FCMR: variants seen among roughly 807,000 people sequenced by gnomAD.
FCMR encodes the protein immunoglobulin mu Fc receptor.
Under a neutral mutation model 41.6 loss-of-function variants are expected in FCMR, and 34 were observed. The observed-to-expected ratio is 0.82, with a 90% CI of 0.62 to 1.09. The LOEUF is 1.09. Among genes scored for constraint, FCMR ranks in the 50% least tolerant of loss-of-function variants. The pLI is 0.00. For synonymous variants in FCMR, 209 were observed against 211.8 expected (o/e 0.99, Z 0.12); for missense variants, 496 against 512.5 (o/e 0.97, Z 0.31).
At position 206,904,411 on chromosome 1, in the gene FCMR, A is replaced by C. The variant is rs1349768014; in HGVS notation, c.*608T>G. ...GATATATATGCATATCTTGCTAATA[A>C]GTTTGGTTTATCATCACATCAAGAT... On this transcript the variant is annotated 3_prime_UTR_variant, in exon 8 of 8. Coordinates refer to ENST00000367091, the MANE Select transcript of FCMR (RefSeq NM_005449.5). The C allele has an allele frequency of 6.5e-6, 1 of 153,008 alleles. No individual in the cohort carries two copies. Among genetic ancestry groups the C allele is most frequent in the Non-Finnish European group, 1.5e-5 (1 of 68,606 alleles). 9.5% of individuals were successfully genotyped at this position (153,008 alleles called of 1,614,324 possible).
intron 1 of FCMR, chr1:206,921,503 G>A: frequency 2.2e-6 from 1 of 462,320 alleles, no homozygotes; most frequent in Non-Finnish European, 4.1e-6. Context: ...AGAGAGTCTG[G>A]GGTGGTAGGA....
intron 1 of FCMR, among the ~76,000 whole-genome samples, chr1:206,915,308 T>C (rs767978342): frequency 2.6e-5 from 4 of 151,802 alleles, no homozygotes; most frequent in Non-Finnish European, 5.9e-5. Context: ...GGGGGTGGCG[T>C]GGTCGGAGGA....
chr1:206,905,451 G>T (rs1226061682), intron 7 of FCMR, among the ~76,000 whole-genome samples: 1 of 152,208 alleles, frequency 6.6e-6, no homozygotes, highest in Non-Finnish European at 1.5e-5. Context: ...ATCCCCTCGG[G>T]GATAAGATGC....
At chr1:206,907,720 TGTC>T (rs764219686) in intron 7 of FCMR, 6 of 927,448 alleles carry the variant, frequency 6.5e-6, no homozygotes, top group African/African-American at 3.2e-5. Flanking sequence ...GGAAGGTGGT[TGTC>T]GTACGCTGGG....
chr1:206,919,015 C>A (rs189880338), intron 1 of FCMR, among the ~76,000 whole-genome samples: 1 of 152,078 alleles, frequency 6.6e-6, no homozygotes, highest in Non-Finnish European at 1.5e-5. Context: ...GACTAATGCA[C>A]CCTCCTTGGA....
intron 1 of FCMR, among the ~76,000 whole-genome samples, chr1:206,919,098 G>C (rs957624398): frequency 1.3e-5 from 2 of 152,064 alleles, no homozygotes; most frequent in Admixed American, 6.6e-5. Context: ...CCTGCCCACA[G>C]CACAAGGGTC....
chr1:206,909,499 G>T lies in FCMR; in HGVS notation c.1007C>A (p.Pro336His), dbSNP rs1420617186. ...GGGGGGCAACGGCGCTCCGGGGCCG[G>T]GAACGGGGGCCTCCCCTGTGCCTAG... ...DAAGTGEAPV[P>H]GPGAPLPPAP... is the part of the protein sequence containing the mutation. The change falls in exon 7 of 8, where the codon CCC (proline) becomes CAC (histidine). Residue 336 changes from proline (P) to histidine (H), a missense_variant. Pro to His is a moderately conservative substitution (Grantham distance 77). Transcript: ENST00000367091. This position sits in a 1 kb window ranked among gnomAD's most constrained non-coding sequence, Gnocchi z 5.0. 7.8e-7 allele frequency: 1 copy of T among 1,286,292 alleles called. No homozygotes were observed. The highest frequency in any genetic ancestry group is 9.8e-7 in the Non-Finnish European group (1 of 1,018,428). 79.7% of individuals were successfully genotyped at this position (1,286,292 alleles called of 1,614,324 possible). A position where few individuals can be genotyped will look rare whatever the true frequency, so the allele number is the denominator to read the frequency against.
chr1:206,913,222 T>A (rs1438723921), intron 2 of FCMR, among the ~76,000 whole-genome samples, 180 bp from the exon 3 acceptor site: 1 of 152,170 alleles, frequency 6.6e-6, no homozygotes, highest in Non-Finnish European at 1.5e-5. Context: ...GTTCCCCTAG[T>A]CCAGTCAACA....
In FCMR at chr1:206,921,825, G is replaced by A. The variant is rs777096355; in HGVS notation, c.30C>T (p.Phe10=). 4 of 1,613,940 alleles carry A rather than the reference G, an allele frequency of 2.5e-6. No individual in the cohort carries two copies. The highest frequency in any genetic ancestry group is 1.3e-5 in the African/African-American group (1 of 74,910). The change falls in exon 1 of 8, where the codon TTC becomes TTT. Residue 10 remains phenylalanine (F), a synonymous_variant. Coordinates refer to ENST00000367091, the MANE Select transcript of FCMR (RefSeq NM_005449.5). MDFWLWPLY[F]LPVSGALRIL... is the part of the protein sequence containing the mutation. ...TTTCCCCACGGTACTTACCTGGCAG[G>A]AAGTAAAGTGGCCAAAGCCAGAAGT...
chr1:206,912,436 C>G (rs1678982929), intron 3 of FCMR, among the ~76,000 whole-genome samples: 1 of 152,176 alleles, frequency 6.6e-6, no homozygotes, highest in African/African-American at 2.4e-5. Flanking sequence ...TATTGCATGT[C>G]AAAATGCATT....
chr1:206,909,439 A>G lies in FCMR; in HGVS notation c.1044+23T>C. 2 of 1,230,636 alleles carry G rather than the reference A, an allele frequency of 1.6e-6. No homozygotes were observed. The highest frequency in any genetic ancestry group is 2.0e-6 in the Non-Finnish European group (2 of 984,476). The allele number at this position is 1,230,636 out of a possible 1,614,324, so 76.2% of individuals were successfully genotyped here. On this transcript the variant is annotated intron_variant, in intron 7 of 7. Coordinates refer to ENST00000367091, the MANE Select transcript of FCMR (RefSeq NM_005449.5). The surrounding 1 kb of genome is among the most constrained non-coding windows in gnomAD (Gnocchi z 5.0). ...CCGCCCAGTCGGGCCGCGGCTGCCA[A>G]TCAGGGCAGGAGCGGAGCTTACCTG...
Position 206,910,169 on chromosome 1 carries a change from T to C in FCMR, c.841+41A>G, listed in dbSNP as rs375084695. 9.1e-6 allele frequency: 14 copies of C among 1,537,444 alleles called. No individual in the cohort carries two copies. In the South Asian group the frequency reaches 1.4e-4, roughly 15 times the overall value. On this transcript the variant is annotated intron_variant, in intron 5 of 7. Transcript: ENST00000367091. ...GGGGGTTCTGAACGCTGTGGGCTCT[T>C]TGGGCAGCTCAGCTCTCCCTACCGA... is the stretch of plus-strand genomic sequence containing the variant.
chr1:206,921,711 C>T (rs1290944031), intron 1 of FCMR, 107 bp downstream of exon 1: 13 of 1,111,850 alleles, frequency 1.2e-5, no homozygotes, highest in Non-Finnish European at 1.8e-5. Flanking sequence ...TGGTTCACAA[C>T]TGAATCCATC....
intron 1 of FCMR, among the ~76,000 whole-genome samples, chr1:206,916,439 G>A (rs1025625996): frequency 1.8e-4 from 27 of 152,320 alleles, no homozygotes; most frequent in Admixed American, 1.4e-3. Context: ...AGCAGAGATG[G>A]GGTCATCACC....
At chr1:206,908,418 A>C (rs1428341704) in intron 7 of FCMR, among the ~76,000 whole-genome samples, 6 of 152,136 alleles carry the variant, frequency 3.9e-5, no homozygotes, top group Non-Finnish European at 7.4e-5. Context: ...CACTCAGGGA[A>C]TTGTGCAGGT....
chr1:206,915,265 AGCAAACCCGG>A (rs1679138686), intron 1 of FCMR, among the ~76,000 whole-genome samples: 1 of 152,126 alleles, frequency 6.6e-6, no homozygotes, highest in South Asian at 2.1e-4. Context: ...CCCTGGAAGG[AGCAAACCCGG>A]GCGCCTGATG....
intron 5 of FCMR, 90 bp downstream of exon 5, chr1:206,910,120 C>T (rs1678862318): frequency 1.4e-6 from 2 of 1,386,858 alleles, no homozygotes; most frequent in East Asian, 2.6e-5. Flanking sequence ...TCAAAAGCTC[C>T]GAGTTTCCCA....
In FCMR at chr1:206,914,100, G is replaced by C. The variant is rs762275348; in HGVS notation, c.38-6C>G. 6.2e-7 allele frequency: 1 copy of C among 1,604,130 alleles called. No homozygotes were observed. The highest frequency in any genetic ancestry group is 1.1e-5 in the South Asian group (1 of 90,952). The stretch of plus-strand genomic sequence containing the variant: ...GATCCTCAGGGCCCCCGATACTGCA[G>C]GGAGAGGAGATTAATGCAGAGGGAG... On this transcript the variant is annotated splice_region_variant and splice_polypyrimidine_tract_variant and intron_variant, in intron 1 of 7. Coordinates refer to ENST00000367091, the MANE Select transcript of FCMR (RefSeq NM_005449.5).
At chr1:206,916,814 C>A (rs189896775) in intron 1 of FCMR, among the ~76,000 whole-genome samples, 1 of 152,174 alleles carries the variant, frequency 6.6e-6, no homozygotes. Flanking sequence ...GATCTGGTCC[C>A]GTTCTTAGGA....
Sources: allele counts gnomAD v4.1 joint callset (sites outside exome capture counted in the v4.1 genomes callset), GRCh38; gene constraint gnomAD v4.1.1; non-coding constraint Gnocchi (gnomAD v3.1); transcripts MANE v1.5; gene names NCBI Gene and HGNC (gene_info 2026-07-23, HGNC 2026-07-21).